Variants in FRMPD4 observed in about 807,000 individuals in gnomAD.
FRMPD4 encodes the protein FERM and PDZ domain-containing protein 4.
FRMPD4 carries 22 observed loss-of-function variants against 94.1 expected under a neutral mutation model. The observed-to-expected ratio is 0.23, with a 90% CI of 0.17 to 0.33. The LOEUF (loss-of-function observed/expected upper bound fraction) is 0.33. Ranked by LOEUF, FRMPD4 falls within the 10% of genes least tolerant of loss-of-function variation. The probability of loss-of-function intolerance (pLI) is 1.00; values close to 1 mark genes in which losing one functional copy is unlikely to be tolerated. For missense variants in FRMPD4, 1,111 were observed against 1,339.9 expected (o/e 0.83, Z 2.67); for synonymous variants, 631 against 548.6 (o/e 1.15, Z -2.10).
chrX:11,829,565 A>G (rs1227095473), intron 1 of FRMPD4, among the ~76,000 whole-genome samples: 2 of 111,940 alleles, frequency 1.8e-5, no homozygotes, highest in Non-Finnish European at 3.8e-5. Context: ...ATCTAAAATG[A>G]AAGTTGAAGT....
At chrX:12,185,364 A>G (rs1026776479) in intron 1 of FRMPD4, among the ~76,000 whole-genome samples, 1 of 111,648 alleles carries the variant, frequency 9.0e-6, no homozygotes, top group Non-Finnish European at 1.9e-5. Flanking sequence ...TCTATAGACT[A>G]TAGATGCCTC....
chrX:12,524,400 G>A (rs183983916), intron 2 of FRMPD4, among the ~76,000 whole-genome samples: 44 of 111,652 alleles, frequency 3.9e-4, no homozygotes, highest in African/African-American at 1.4e-3. Context: ...GCCTACTGCA[G>A]GAGCTCAGTC....
chrX:11,840,850 C>T (rs965039154), intron 1 of FRMPD4, among the ~76,000 whole-genome samples: 1 of 106,142 alleles, frequency 9.4e-6, no homozygotes, highest in African/African-American at 3.4e-5. Flanking sequence ...CCCATTAACT[C>T]GTCATTTAGC....
intron 3 of FRMPD4, among the ~76,000 whole-genome samples, chrX:12,109,498 A>G (rs750492173): frequency 8.9e-6 from 1 of 112,097 alleles, no homozygotes; most frequent in East Asian, 2.8e-4. Flanking sequence ...AGACCCTAAC[A>G]TCACAATTAA....
At position 11,942,507 on chromosome X, in the gene FRMPD4, G is replaced by A. The variant is rs747855958; in HGVS notation, c.95+64489G>A. ...TAGTTGTAGTAAAATTAAGGGTGAC[G>A]TAGTAACCTCCTGCCTCATGAAATC... On this transcript the variant is annotated intron_variant, in intron 3 of 18. Transcript: ENST00000640291. 5.4e-5 allele frequency among the ~76,000 whole-genome samples: 6 copies of A among 111,629 alleles called. No homozygotes were observed. In the South Asian group the frequency reaches 1.9e-3, roughly 35 times the overall value.
chrX:12,080,396 T>G (rs1346947742), intron 3 of FRMPD4, among the ~76,000 whole-genome samples: 1 of 112,179 alleles, frequency 8.9e-6, no homozygotes, highest in African/African-American at 3.2e-5. Flanking sequence ...AAGTGGTCCA[T>G]GTTTCTATTT....
intron 2 of FRMPD4, among the ~76,000 whole-genome samples, chrX:12,608,032 T>G (rs58280307): frequency 0.011 from 1,218 of 112,870 alleles, 18 homozygotes; most frequent in African/African-American, 0.036. Context: ...TCCAAGATAT[T>G]TTTAAATGAT....
chrX:12,317,585 C>CAA (rs376884335), intron 1 of FRMPD4, among the ~76,000 whole-genome samples: 16 of 42,424 alleles, frequency 3.8e-4, no homozygotes, highest in South Asian at 1.4e-3. Context: ...AACTAAATAG[C>CAA]AAAAAAAAAA....
intron 5 of FRMPD4, among the ~76,000 whole-genome samples, chrX:12,678,675 A>G (rs1464168403): frequency 8.9e-6 from 1 of 111,880 alleles, no homozygotes; most frequent in Non-Finnish European, 1.9e-5. Context: ...AAAATACAAA[A>G]TTAGCCAGGT....
chrX:12,351,183 A>AAG, intron 1 of FRMPD4, among the ~76,000 whole-genome samples: 1 of 110,199 alleles, frequency 9.1e-6, no homozygotes, highest in Non-Finnish European at 1.9e-5. Flanking sequence ...AAAAAAAAAA[A>AAG]AAAAGTGTGA....
chrX:12,181,887 C>CT (rs35571205), intron 1 of FRMPD4, among the ~76,000 whole-genome samples: 1 of 111,472 alleles, frequency 9.0e-6, no homozygotes, highest in Non-Finnish European at 1.9e-5. Flanking sequence ...TTCCGGCAGC[C>CT]TTTTTTTCCC....
chrX:12,668,638 CTT>C (rs1245084011), intron 4 of FRMPD4, among the ~76,000 whole-genome samples: 1 of 87,797 alleles, frequency 1.1e-5, no homozygotes, highest in Non-Finnish European at 2.1e-5. Context: ...GAGTTTCACT[CTT>C]GTCACCGAGG....
intron 1 of FRMPD4, among the ~76,000 whole-genome samples, chrX:12,351,172 C>CAAAA (rs764761807): frequency 1.2e-5 from 1 of 82,655 alleles, no homozygotes; most frequent in Non-Finnish European, 2.4e-5. Context: ...CTCCACCTCA[C>CAAAA]AAAAAAAAAA....
rs777268811 is a variant in FRMPD4, at chrX:12,165,074, T to G, written c.41+26062T>G. Among the ~76,000 whole-genome samples the G allele has an allele frequency of 2.1e-4, 23 of 111,664 alleles. No individual in the cohort carries two copies. In the South Asian group the frequency reaches 8.7e-3, roughly 42 times the overall value. On this transcript the variant is annotated intron_variant, in intron 1 of 16. Transcript: ENST00000675598. ...TTTAATTAGATCCCATTTGTCAATTTTGGCTTTTGTTGCCATTGCTTTTGG... is the reference window on the plus strand; with the variant it reads ...TTTAATTAGATCCCATTTGTCAATTGTGGCTTTTGTTGCCATTGCTTTTGG...
intron 1 of FRMPD4, among the ~76,000 whole-genome samples, chrX:12,271,215 T>C (rs1322322078): frequency 8.9e-6 from 1 of 112,360 alleles, no homozygotes; most frequent in Non-Finnish European, 1.9e-5. Context: ...TAAACTTTTA[T>C]CACCTGTAAC....
intron 2 of FRMPD4, among the ~76,000 whole-genome samples, chrX:12,552,935 C>T (rs1220048014): frequency 8.9e-6 from 1 of 111,810 alleles, no homozygotes; most frequent in Non-Finnish European, 1.9e-5. Flanking sequence ...GCGGGAGGAT[C>T]GCCTGAGCCC....
At chrX:12,639,869 A>G (rs1292077701) in intron 4 of FRMPD4, among the ~76,000 whole-genome samples, 1 of 112,086 alleles carries the variant, frequency 8.9e-6, no homozygotes, top group Admixed American at 9.5e-5. Flanking sequence ...AGTCAAATAC[A>G]GAAGCCAAGT....
At chrX:12,188,625 A>G (rs757290739) in intron 1 of FRMPD4, among the ~76,000 whole-genome samples, 1 of 111,939 alleles carries the variant, frequency 8.9e-6, no homozygotes, top group African/African-American at 3.2e-5. Context: ...TAAAATATAA[A>G]TGAGCATATA....
intron 1 of FRMPD4, among the ~76,000 whole-genome samples, chrX:11,848,405 T>C (rs16986597): frequency 0.021 from 2,390 of 111,774 alleles, 60 homozygotes; most frequent in African/African-American, 0.074. Flanking sequence ...GTCAGAAAGT[T>C]GTGCTTAAAT....
Sources: allele counts gnomAD v4.1 joint callset (sites outside exome capture counted in the v4.1 genomes callset), GRCh38; gene constraint gnomAD v4.1.1; transcripts MANE v1.5; gene names NCBI Gene and HGNC (gene_info 2026-07-23, HGNC 2026-07-21).